ECHDC1: variants seen among roughly 807,000 people sequenced by gnomAD.
ECHDC1 encodes ethylmalonyl-CoA decarboxylase 1, also known as ethylmalonyl-CoA decarboxylase.
In ECHDC1, 29 loss-of-function variants were observed where a neutral mutation model predicts 29.7. The observed-to-expected ratio is 0.98, with a 90% CI of 0.73 to 1.33. ECHDC1 has a LOEUF of 1.33. Among genes scored for constraint, ECHDC1 ranks in the 40% most tolerant of loss-of-function variants. The pLI is 0.00. For missense variants in ECHDC1, 328 were observed against 350.0 expected (o/e 0.94, Z 0.50); for synonymous variants, 126 against 123.1 (o/e 1.02, Z -0.15).
chr6:127,306,330 T>C (rs1781435764), intron 5 of ECHDC1, among the ~76,000 whole-genome samples: 1 of 152,110 alleles, frequency 6.6e-6, no homozygotes, highest in South Asian at 2.1e-4. Context: ...AAGTGAGAGA[T>C]AGGCCCCAAT....
chr6:127,310,140 A>G (rs1169872400), intron 5 of ECHDC1, among the ~76,000 whole-genome samples: 1 of 152,194 alleles, frequency 6.6e-6, no homozygotes, highest in Non-Finnish European at 1.5e-5. Flanking sequence ...GGTACAAAAA[A>G]ATAGAAAGAA....
chr6:127,342,455 G>T, intron 1 of ECHDC1: 1 of 1,404,828 alleles, frequency 7.1e-7, no homozygotes, highest in Non-Finnish European at 9.5e-7. Context: ...TTTCAGGCCA[G>T]AACCCAATAA....
intron 4 of ECHDC1, chr6:127,315,902 C>G (rs1475805291): frequency 2.2e-6 from 1 of 463,706 alleles, no homozygotes; most frequent in Non-Finnish European, 4.5e-6. Flanking sequence ...GCTAATCAAC[C>G]AAAACATGTC....
chr6:127,313,487 G>T, intron 5 of ECHDC1: 1 of 430,678 alleles, frequency 2.3e-6, no homozygotes, highest in Non-Finnish European at 4.7e-6. Context: ...ACAGGCATGA[G>T]CCACCACGCC....
intron 5 of ECHDC1, among the ~76,000 whole-genome samples, chr6:127,296,961 T>A (rs1780653289): frequency 1.3e-5 from 2 of 151,896 alleles, no homozygotes; most frequent in Non-Finnish European, 2.9e-5. Context: ...GCAGTGATCG[T>A]ACCACTATAC....
chr6:127,339,672 C>T (rs1247708174), intron 1 of ECHDC1, among the ~76,000 whole-genome samples: 1 of 150,946 alleles, frequency 6.6e-6, no homozygotes, highest in Non-Finnish European at 1.5e-5. Context: ...ACTCAGGAGG[C>T]TGAGGCAGGA....
intron 5 of ECHDC1, among the ~76,000 whole-genome samples, chr6:127,311,789 GA>G (rs34759372): frequency 0.59 from 78,956 of 133,908 alleles, 24,016 homozygotes; most frequent in Middle Eastern, 0.72. Flanking sequence ...TCCTGGACCA[GA>G]AAAAAAAAAA....
At position 127,314,870 on chromosome 6, in the gene ECHDC1, A is replaced by G; in HGVS notation, c.443T>C (p.Val148Ala). The change falls in exon 5 of 6, where the codon GTT becomes GCT. Residue 148 changes from valine to alanine, a missense_variant. Physicochemically the swap from Val to Ala is moderately conservative, Grantham distance 64. Coordinates refer to ENST00000454859, the MANE Select transcript of ECHDC1 (RefSeq NM_001002030.2). ...TCCTCCACCCAATGCCCAACCTTGAACCAGCGCAACACTTATTAAAGGAAG... is the reference window on the plus strand; with the variant it reads ...TCCTCCACCCAATGCCCAACCTTGAGCCAGCGCAACACTTATTAAAGGAAG... ...MRLPLISVAL[V>A]QGWALGGGAE... The G allele has an allele frequency of 6.2e-7, 1 of 1,612,288 alleles. No homozygotes were observed. The highest frequency in any genetic ancestry group is 8.5e-7 in the Non-Finnish European group (1 of 1,179,106).
chr6:127,300,008 G>C (rs1443319179), intron 5 of ECHDC1, among the ~76,000 whole-genome samples: 2 of 152,106 alleles, frequency 1.3e-5, no homozygotes, highest in Non-Finnish European at 2.9e-5. Flanking sequence ...GAGGTATGTA[G>C]TAAGCTGCAC....
intron 1 of ECHDC1, among the ~76,000 whole-genome samples, chr6:127,335,303 T>G (rs1405822025): frequency 6.6e-6 from 1 of 152,076 alleles, no homozygotes; most frequent in African/African-American, 2.4e-5. Flanking sequence ...TTCAAAACTT[T>G]ACCAACTAAG....
At chr6:127,323,785 T>C (rs1250777140) in intron 3 of ECHDC1, among the ~76,000 whole-genome samples, 2 of 152,160 alleles carry the variant, frequency 1.3e-5, no homozygotes, top group Admixed American at 6.5e-5. Flanking sequence ...CTTTCTAATT[T>C]CATTTCCTTC....
At chr6:127,293,251 TAGG>T (rs1318955905) in intron 5 of ECHDC1, among the ~76,000 whole-genome samples, 2 of 152,144 alleles carry the variant, frequency 1.3e-5, no homozygotes, top group Non-Finnish European at 2.9e-5. Flanking sequence ...TTTACTAAAA[TAGG>T]AAGTTTTTAG....
intron 1 of ECHDC1, among the ~76,000 whole-genome samples, chr6:127,340,773 C>A (rs1784870660): frequency 6.6e-6 from 1 of 151,132 alleles, no homozygotes; most frequent in African/African-American, 2.4e-5. Context: ...CTGCCATAAT[C>A]CTCTGTTTAG....
intron 2 of ECHDC1, 143 bp from the exon 3 acceptor site, chr6:127,327,287 C>T: frequency 1.1e-6 from 1 of 908,868 alleles, no homozygotes. Context: ...ATGCCTACTG[C>T]ACTGGCACTA....
intron 3 of ECHDC1, among the ~76,000 whole-genome samples, chr6:127,317,594 A>G (rs1466618350): frequency 6.6e-6 from 1 of 152,194 alleles, no homozygotes; most frequent in Non-Finnish European, 1.5e-5. Flanking sequence ...TAGAAAGATG[A>G]AAATATACCT....
At chr6:127,305,890 G>C (rs1359696051) in intron 5 of ECHDC1, among the ~76,000 whole-genome samples, 1 of 151,182 alleles carries the variant, frequency 6.6e-6, no homozygotes, top group Non-Finnish European at 1.5e-5. Flanking sequence ...AAAAGAAAGA[G>C]AAGACCACAA....
At chr6:127,329,359 T>C (rs1443186354) in intron 2 of ECHDC1, among the ~76,000 whole-genome samples, 3 of 86,686 alleles carry the variant, frequency 3.5e-5, no homozygotes, top group Non-Finnish European at 7.7e-5. Flanking sequence ...TTATATATTA[T>C]GCATCAAAAT....
chr6:127,328,308 TA>T (rs1783551240), intron 2 of ECHDC1, among the ~76,000 whole-genome samples: 1 of 152,228 alleles, frequency 6.6e-6, no homozygotes, highest in African/African-American at 2.4e-5. Context: ...TCCTATCACC[TA>T]GTAACCATCA....
At position 127,333,306 on chromosome 6, in the gene ECHDC1, C is replaced by T. The variant is rs532628986; in HGVS notation, c.-2-2276G>A. On this transcript the variant is annotated intron_variant, in intron 1 of 5. Coordinates refer to ENST00000454859, the MANE Select transcript of ECHDC1 (RefSeq NM_001002030.2). ...GGAGTTAGGTTTACCTGATGTAGTT[C>T]CCAGCTTGACTTTTCCCTTGGCTTA... Among the ~76,000 whole-genome samples, 8 of 152,222 alleles carry T rather than the reference C, an allele frequency of 5.3e-5. No homozygotes were observed. In the East Asian group the frequency reaches 1.5e-3, roughly 29 times the overall value.
Sources: allele counts gnomAD v4.1 joint callset (sites outside exome capture counted in the v4.1 genomes callset), GRCh38; gene constraint gnomAD v4.1.1; transcripts MANE v1.5; gene names NCBI Gene and HGNC (gene_info 2026-07-23, HGNC 2026-07-21).